NAIP: variants seen among roughly 807,000 people sequenced by gnomAD.
NAIP encodes NLR family apoptosis inhibitory protein.
In NAIP, 15 loss-of-function variants were observed where a neutral mutation model predicts 23.0. That is an observed-to-expected ratio of 0.65 (90% CI 0.44 to 1.00). NAIP has a LOEUF of 1.00. NAIP is among the 50% of genes least tolerant of loss of function. The pLI is 0.00. For synonymous variants in NAIP, 100 were observed against 100.2 expected, an observed-to-expected ratio of 1.00 and a Z score of 0.01; for missense variants, 265 against 278.8, an observed-to-expected ratio of 0.95 and a Z score of 0.35.
At chr5:71,014,020 C>A (rs879610061) in intron 3 of NAIP, among the ~76,000 whole-genome samples, 19 of 151,352 alleles carry the variant, frequency 1.3e-4, no homozygotes, top group African/African-American at 4.4e-4. Context: ...AATTTTCGTG[C>A]CTTTTTCCTC....
intron 3 of NAIP, among the ~76,000 whole-genome samples, chr5:71,013,841 G>T (rs753449183): frequency 5.0e-4 from 75 of 151,228 alleles, no homozygotes; most frequent in Non-Finnish European, 8.9e-5. Flanking sequence ...ACACTGAGGT[G>T]CTATGGCCCC....
Position 71,012,835 on chromosome 5 carries a change from C to A in NAIP, c.81G>T (p.Leu27=), listed in dbSNP as rs200175804. 1.6e-5 allele frequency: 26 copies of A among 1,611,590 alleles called. 1 individual carries two copies. The highest frequency in any genetic ancestry group is 2.1e-5 in the Non-Finnish European group (25 of 1,178,434). The change falls in exon 4 of 17, where the codon CTG becomes CTT. Residue 27 remains leucine (L), a synonymous_variant. Coordinates refer to ENST00000517649, the MANE Select transcript of NAIP (RefSeq NM_004536.3). ...TTGCCAACTGAACTGCATCTAGGCC[C>A]AGAAGAGCAGACAGCTCTGGCAGCA... is the stretch of plus-strand genomic sequence containing the variant. ...HNLLPELSAL[L]GLDAVQLAKE... is the part of the protein sequence containing the mutation.
At chr5:71,012,944 A>G (rs759675621) in intron 3 of NAIP, 26 bp from the exon 4 acceptor site, 3 of 1,529,384 alleles carry the variant, frequency 2.0e-6, no homozygotes, top group Non-Finnish European at 2.6e-6. Flanking sequence ...AAGCAGGTTG[A>G]TCCCTTATAG....
intron 13 of NAIP, among the ~76,000 whole-genome samples, chr5:70,978,111 A>ATG (rs1750365335): frequency 1.4e-4 from 1 of 7,036 alleles, no homozygotes; most frequent in Non-Finnish European, 4.3e-4. Flanking sequence ...ATATGTATGC[A>ATG]CACACACACA....
In NAIP at chr5:71,012,339, T is replaced by C. The variant is rs755414811; in HGVS notation, c.568+9A>G. ...CAGAGAAACACTTCAGAGAATAATTTCAAGGTACCTGTAAAGACAAAGCCA... is the reference window on the plus strand; with the variant it reads ...CAGAGAAACACTTCAGAGAATAATTCCAAGGTACCTGTAAAGACAAAGCCA... On this transcript the variant is annotated intron_variant, in intron 4 of 16. Coordinates refer to ENST00000517649, the MANE Select transcript of NAIP (RefSeq NM_004536.3). 20 of 1,571,940 alleles carry C rather than the reference T, an allele frequency of 1.3e-5. 1 individual carries two copies. The highest frequency in any genetic ancestry group is 5.8e-5 in the South Asian group (5 of 85,658).
intron 5 of NAIP, among the ~76,000 whole-genome samples, chr5:71,010,444 AT>A (rs1160053168): frequency 6.6e-6 from 1 of 151,332 alleles, no homozygotes; most frequent in Non-Finnish European, 1.5e-5. Context: ...AATTTTTTGT[AT>A]TTTTAGTAGA....
At position 71,012,850 on chromosome 5, in the gene NAIP, C is replaced by A; in HGVS notation, c.66G>T (p.Glu22Asp). Residue 22 changes from glutamate to aspartate, a missense_variant, in exon 4 of 17, where the codon GAG becomes GAT. Glu to Asp is a conservative substitution (Grantham distance 45). This residue lies in a region of NAIP where 261 missense variants were observed against 259.2 expected (regional missense o/e 1.01). Transcript: ENST00000517649. ...CATCTAGGCCCAGAAGAGCAGACAG[C>A]TCTGGCAGCAAATTGTGATCAAACT... Reference protein sequence around the residue: ...ISQFDHNLLPELSALLGLDAV... With the variant: ...ISQFDHNLLPDLSALLGLDAV... 1 of 1,610,428 alleles carries A rather than the reference C, an allele frequency of 6.2e-7. No individual in the cohort carries two copies. Among genetic ancestry groups the A allele is most frequent in the Non-Finnish European group, 8.5e-7 (1 of 1,178,006 alleles).
In NAIP at chr5:71,012,362, C is replaced by G; in HGVS notation, c.554G>C (p.Gly185Ala). The change falls in exon 4 of 17, where the codon GGC (glycine) becomes GCC (alanine). Residue 185 changes from glycine (G) to alanine (A), a missense_variant. By Grantham distance (60) the Gly-to-Ala change is moderately conservative. Transcript: ENST00000517649. ...GISPCVLSEA[G>A]FVFTGKQDTV... Reference sequence around the variant, plus strand: ...TTTCAAGGTACCTGTAAAGACAAAGCCAGCCTCTGAGAGCACACAAGGGGA... The same window carrying G: ...TTTCAAGGTACCTGTAAAGACAAAGGCAGCCTCTGAGAGCACACAAGGGGA... 1 of 1,604,710 alleles carries G rather than the reference C, an allele frequency of 6.2e-7. No individual in the cohort carries two copies. The highest frequency in any genetic ancestry group is 8.5e-7 in the Non-Finnish European group (1 of 1,174,594).
In NAIP at chr5:71,012,757, G is replaced by A. The variant is rs1751223228; in HGVS notation, c.159C>T (p.Tyr53=). The A allele has an allele frequency of 6.2e-7, 1 of 1,611,700 alleles. No individual in the cohort carries two copies. Among genetic ancestry groups the A allele is most frequent in the Admixed American group, 1.7e-5 (1 of 59,854 alleles). ...TTGCTTCACTGCGCATTTGAGAGTT[G>A]TAGCCTTTCTGCATTTTTGCTCGCT... The part of the protein sequence containing the change: ...QKERAKMQKG[Y]NSQMRSEAKR... The change falls in exon 4 of 17, where the codon TAC becomes TAT. Residue 53 remains tyrosine, a synonymous_variant. Transcript: ENST00000517649.
At chr5:71,011,451 C>T in intron 4 of NAIP, 77 bp from the exon 5 acceptor site, 1 of 1,226,368 alleles carries the variant, frequency 8.2e-7, no homozygotes, top group Non-Finnish European at 1.2e-6. Context: ...TTGTTTTGTT[C>T]AGGAGCAAGA....
At position 71,012,347 on chromosome 5, in the gene NAIP, C is replaced by A; in HGVS notation, c.568+1G>T. 6.3e-7 allele frequency: 1 copy of A among 1,590,978 alleles called. No homozygotes were observed. On this transcript the variant is annotated splice_donor_variant, in intron 4 of 16. Coordinates refer to ENST00000517649, the MANE Select transcript of NAIP (RefSeq NM_004536.3). LOFTEE classifies it high-confidence loss of function. ...CACTTCAGAGAATAATTTCAAGGTA[C>A]CTGTAAAGACAAAGCCAGCCTCTGA...
chr5:71,016,396 A>G (rs1314392717), intron 3 of NAIP, among the ~76,000 whole-genome samples: 6 of 149,422 alleles, frequency 4.0e-5, no homozygotes, highest in Admixed American at 6.7e-5. Flanking sequence ...ATCCCCCCAG[A>G]AAGAAACGCT....
intron 4 of NAIP, chr5:71,011,627 G>A (rs1481966456): frequency 3.8e-6 from 2 of 532,880 alleles, no homozygotes; most frequent in Admixed American, 3.3e-5. Context: ...CTGGTATGTT[G>A]CTCTTTGAGT....
At chr5:71,011,088 C>A (rs925753890) in intron 5 of NAIP, among the ~76,000 whole-genome samples, 187 bp downstream of exon 5, 1 of 150,886 alleles carries the variant, frequency 6.6e-6, no homozygotes, top group Non-Finnish European at 1.5e-5. Flanking sequence ...CAAACATTAG[C>A]CCATCTTGGT....
intron 5 of NAIP, 53 bp downstream of exon 5, chr5:71,011,222 G>T: frequency 7.1e-7 from 1 of 1,401,644 alleles, no homozygotes; most frequent in Non-Finnish European, 9.9e-7. Flanking sequence ...GGCAGAGCAA[G>T]ACTGTCTCAA....
chr5:70,973,090 C>T (rs1304474187), intron 16 of NAIP, among the ~76,000 whole-genome samples: 6 of 151,966 alleles, frequency 3.9e-5, no homozygotes, highest in Admixed American at 1.3e-4. Flanking sequence ...TTAGTAGAGA[C>T]GGGGTTTCAC....
chr5:71,011,242 A>G (rs776085389), intron 5 of NAIP, 33 bp downstream of exon 5: 18 of 1,513,948 alleles, frequency 1.2e-5, no homozygotes, highest in Non-Finnish European at 1.5e-5. Flanking sequence ...AAAAAAAAAG[A>G]AAGAAACATT....
rs752317868 is a variant in NAIP, at chr5:71,012,312, G to A, written c.568+36C>T. 1.1e-5 allele frequency: 16 copies of A among 1,521,630 alleles called. No individual in the cohort carries two copies. In the East Asian group the frequency reaches 1.8e-4, roughly 17 times the overall value. 94.3% of individuals were successfully genotyped at this position (1,521,630 alleles called of 1,614,324 possible). The stretch of plus-strand genomic sequence containing the variant: ...GAAAAATAAAACCTAAACTTAAAAC[G>A]CCAGAGAAACACTTCAGAGAATAAT... On this transcript the variant is annotated intron_variant, in intron 4 of 16. Coordinates refer to ENST00000517649, the MANE Select transcript of NAIP (RefSeq NM_004536.3).
intron 13 of NAIP, among the ~76,000 whole-genome samples, chr5:70,978,130 C>CACACATAT (rs1342843444): frequency 5.6e-4 from 20 of 35,426 alleles, no homozygotes; most frequent in African/African-American, 1.4e-3. Flanking sequence ...CACACACACA[C>CACACATAT]ATATATATAT....
Sources: gnomAD v4.1 joint callset for allele counts (sites outside exome capture counted in the v4.1 genomes callset) on GRCh38, gnomAD v4.1.1 for gene constraint, gnomAD v4.1.1 regional missense constraint, MANE v1.5 for transcripts, NCBI Gene and HGNC (gene_info 2026-07-23, HGNC 2026-07-21) for gene names.